The following PDE10A variants were observed in gnomAD, a reference collection of about 807,000 sequenced individuals.
PDE10A encodes the protein phosphodiesterase 10A, also known as cAMP and cAMP-inhibited cGMP 3',5'-cyclic phosphodiesterase 10A.
Under a neutral mutation model 97.7 loss-of-function variants are expected in PDE10A, and 39 were observed. The ratio of observed to expected loss-of-function variants is 0.40; its 90% CI spans 0.31 to 0.52. PDE10A has a LOEUF of 0.52. PDE10A is among the 20% of genes least tolerant of loss of function. The probability of loss-of-function intolerance (pLI) is 0.56; values close to 1 mark genes in which losing one functional copy is unlikely to be tolerated. For missense variants in PDE10A, 731 were observed against 1,047.8 expected (o/e 0.70, Z 4.17); for synonymous variants, 371 against 376.8 (o/e 0.98, Z 0.18).
intron 5 of PDE10A, among the ~76,000 whole-genome samples, chr6:165,440,091 T>G (rs187586068): frequency 3.3e-5 from 5 of 152,326 alleles, no homozygotes; most frequent in Admixed American, 3.3e-4. Flanking sequence ...CAATAAGCTA[T>G]TATCCTTTTA....
In PDE10A at chr6:165,584,019, T is replaced by G. The variant is rs1385523316; in HGVS notation, c.866-40451A>C. On this transcript the variant is annotated intron_variant, in intron 1 of 21. Transcript: ENST00000539869. Reference sequence around the variant, plus strand: ...ACTTTGGGCTCCTCAGGCCTCTGAATCAATAGGCAAAGTACTGGCTGGGGT... The same window carrying G: ...ACTTTGGGCTCCTCAGGCCTCTGAAGCAATAGGCAAAGTACTGGCTGGGGT... 2.0e-5 allele frequency among the ~76,000 whole-genome samples: 3 copies of G among 152,174 alleles called. No individual in the cohort carries two copies. In the East Asian group the frequency reaches 5.8e-4, roughly 29 times the overall value.
chr6:165,938,848 T>TAATAAAATTCTATTTGGAGACTAGA (rs1783423775), intron 1 of PDE10A, among the ~76,000 whole-genome samples: 1 of 152,208 alleles, frequency 6.6e-6, no homozygotes, highest in Admixed American at 6.5e-5. Flanking sequence ...AAATTGTAGA[T>TAATAAAATTCTATTTGGAGACTAGA]AATAAAATTC....
chr6:165,795,706 C>T (rs115078351), intron 1 of PDE10A, among the ~76,000 whole-genome samples: 2,199 of 152,124 alleles, frequency 0.014, 42 homozygotes, highest in African/African-American at 0.05. Context: ...GAGCCAAGAT[C>T]GCGCTACTGC....
chr6:165,688,840 G>C (rs769993581), intron 1 of PDE10A, among the ~76,000 whole-genome samples: 3 of 152,196 alleles, frequency 2.0e-5, no homozygotes, highest in Non-Finnish European at 4.4e-5. Context: ...CTGTATGAGT[G>C]TGTGTATCTG....
At chr6:165,957,610 T>G (rs1057355904) in intron 1 of PDE10A, among the ~76,000 whole-genome samples, 18 of 152,240 alleles carry the variant, frequency 1.2e-4, no homozygotes, top group African/African-American at 4.1e-4. Context: ...ACTTTATTTG[T>G]GCAATTTGAC....
intron 13 of PDE10A, among the ~76,000 whole-genome samples, chr6:165,405,342 A>T (rs187043270): frequency 6.6e-6 from 1 of 152,342 alleles, no homozygotes; most frequent in East Asian, 1.9e-4. Flanking sequence ...TAAATGAAGC[A>T]AATCAAATTT....
chr6:165,928,831 C>G (rs941144952), intron 1 of PDE10A, among the ~76,000 whole-genome samples: 3 of 152,146 alleles, frequency 2.0e-5, no homozygotes, highest in African/African-American at 7.2e-5. Flanking sequence ...TGCTCAGCCC[C>G]GACTCCACTG....
intron 1 of PDE10A, among the ~76,000 whole-genome samples, chr6:165,901,230 T>G (rs78048330): frequency 0.098 from 14,836 of 152,022 alleles, 920 homozygotes; most frequent in African/African-American, 0.17. Flanking sequence ...AACTCTGTGC[T>G]CCCCCAAGGC....
At chr6:165,866,645 CAA>C (rs1242224106) in intron 1 of PDE10A, among the ~76,000 whole-genome samples, 1 of 121,850 alleles carries the variant, frequency 8.2e-6, no homozygotes, top group Non-Finnish European at 1.7e-5. Context: ...AAATGAAAGA[CAA>C]AGAGAATTCT....
intron 1 of PDE10A, among the ~76,000 whole-genome samples, chr6:165,684,580 A>C (rs1791064848): frequency 6.6e-6 from 1 of 152,240 alleles, no homozygotes; most frequent in Non-Finnish European, 1.5e-5. Flanking sequence ...ATGAGTCACC[A>C]CACGGTGGCC....
intron 1 of PDE10A, among the ~76,000 whole-genome samples, chr6:165,557,717 G>A (rs1370558469): frequency 1.3e-5 from 2 of 152,032 alleles, no homozygotes; most frequent in Non-Finnish European, 2.9e-5. Context: ...CTCTATAAAA[G>A]GATATTACTA....
intron 1 of PDE10A, among the ~76,000 whole-genome samples, chr6:165,792,701 C>T (rs1330649141): frequency 6.6e-6 from 1 of 152,140 alleles, no homozygotes; most frequent in Admixed American, 6.5e-5. Context: ...CCAGCCCAGT[C>T]CTCTCTTCAA....
chr6:165,965,963 T>C (rs1200617465), intron 1 of PDE10A, among the ~76,000 whole-genome samples: 1 of 152,252 alleles, frequency 6.6e-6, no homozygotes, highest in Admixed American at 6.5e-5. Flanking sequence ...AGGGGTGAAC[T>C]GTGGATCCTG....
chr6:165,457,031 C>T (rs530585962), intron 3 of PDE10A, among the ~76,000 whole-genome samples: 25 of 152,180 alleles, frequency 1.6e-4, no homozygotes, highest in African/African-American at 6.0e-4. Context: ...TGTTGTTTAT[C>T]AGGACTGTTA....
intron 2 of PDE10A, among the ~76,000 whole-genome samples, chr6:165,485,253 C>T (rs1306598393): frequency 2.6e-5 from 4 of 151,938 alleles, no homozygotes; most frequent in South Asian, 2.1e-4. Flanking sequence ...GGATGGATCA[C>T]GAGGTCAGAT....
At chr6:165,577,148 G>A (rs879629446) in intron 1 of PDE10A, among the ~76,000 whole-genome samples, 23 of 152,146 alleles carry the variant, frequency 1.5e-4, no homozygotes, top group African/African-American at 5.1e-4. Flanking sequence ...GTTTTATGAC[G>A]CCAGTTTTCC....
chr6:165,603,625 G>A (rs1002572406), intron 1 of PDE10A, among the ~76,000 whole-genome samples: 2 of 152,358 alleles, frequency 1.3e-5, no homozygotes, highest in Middle Eastern at 3.4e-3. Flanking sequence ...GAGAATCTGG[G>A]AGGGGAGCAG....
intron 1 of PDE10A, among the ~76,000 whole-genome samples, chr6:165,946,215 G>A (rs1400546559): frequency 3.9e-5 from 6 of 152,118 alleles, no homozygotes; most frequent in East Asian, 1.9e-4. Flanking sequence ...ATATATTGTC[G>A]GCCAGGCTCA....
At chr6:165,518,786 A>G (rs1781967097) in intron 2 of PDE10A, among the ~76,000 whole-genome samples, 1 of 152,300 alleles carries the variant, frequency 6.6e-6, no homozygotes, top group Non-Finnish European at 1.5e-5. Flanking sequence ...CTGGTTTGCC[A>G]TCCGACCTCA....
Sources: allele counts gnomAD v4.1 joint callset (sites outside exome capture counted in the v4.1 genomes callset), GRCh38; gene constraint gnomAD v4.1.1; transcripts MANE v1.5; gene names NCBI Gene and HGNC (gene_info 2026-07-23, HGNC 2026-07-21).